POU6F2: variants seen among roughly 807,000 people sequenced by gnomAD.
POU6F2 encodes POU domain, class 6, transcription factor 2.
In POU6F2, 31 loss-of-function variants were observed where a neutral mutation model predicts 71.3. The ratio of observed to expected loss-of-function variants is 0.43; its 90% CI spans 0.33 to 0.59. The LOEUF is 0.59. Ranked by LOEUF, POU6F2 falls within the 20% of genes least tolerant of loss-of-function variation. The pLI, the probability that POU6F2 is intolerant of heterozygous loss-of-function variation, is 0.04. For missense variants in POU6F2, 783 were observed against 856.8 expected (o/e 0.91, Z 1.07); for synonymous variants, 347 against 355.7 (o/e 0.98, Z 0.27).
intron 5 of POU6F2, among the ~76,000 whole-genome samples, chr7:39,386,318 A>T (rs1461487041): frequency 3.9e-5 from 6 of 152,076 alleles, no homozygotes; most frequent in Admixed American, 3.9e-4. Context: ...CACTAAACTC[A>T]CAGAGTCTGC....
At position 39,410,296 on chromosome 7, in the gene POU6F2, G is replaced by A. The variant is rs772124679; in HGVS notation, c.1113+3556G>A. On this transcript the variant is annotated intron_variant, in intron 6 of 9. Coordinates refer to ENST00000518318, the MANE Select transcript of POU6F2 (RefSeq NM_001370959.1). ...TGCACTCCAGCCTGGGTGACAGAGTGAGACCCTGTCTCCAAAATAAATAAA... is the reference window on the plus strand; with the variant it reads ...TGCACTCCAGCCTGGGTGACAGAGTAAGACCCTGTCTCCAAAATAAATAAA... Among the ~76,000 whole-genome samples, 7 of 152,318 alleles carry A rather than the reference G, an allele frequency of 4.6e-5. No homozygotes were observed. In the East Asian group the frequency reaches 9.7e-4, roughly 21 times the overall value.
intron 5 of POU6F2, among the ~76,000 whole-genome samples, chr7:39,353,985 G>A (rs1042623562): frequency 6.6e-6 from 1 of 152,174 alleles, no homozygotes; most frequent in Admixed American, 6.5e-5. Context: ...GCCCAGGCCC[G>A]GGAAAGGAAG....
intron 1 of POU6F2, chr7:39,006,780 T>C: frequency 6.7e-7 from 1 of 1,483,438 alleles, no homozygotes; most frequent in Non-Finnish European, 9.4e-7. Context: ...TGGGTTGTGT[T>C]ACCCTGTTTG....
In POU6F2 at chr7:39,015,903, A is replaced by ATGTTG. The variant is rs1562670866; in HGVS notation, c.105+37846_105+37847insGTTGT. 3.5e-4 allele frequency among the ~76,000 whole-genome samples: 16 copies of ATGTTG among 45,564 alleles called. 1 individual carries two copies. The highest frequency in any genetic ancestry group is 1.4e-3 in the African/African-American group (16 of 11,634). 29.9% of individuals were successfully genotyped at this position (45,564 alleles called of 152,430 possible). ...TATATATTATATATTATATATAGAT[A>ATGTTG]TATATTATATATTATATATAGATAT... On this transcript the variant is annotated intron_variant, in intron 1 of 9. Transcript: ENST00000518318.
chr7:39,278,406 G>A (rs934829398), intron 4 of POU6F2, among the ~76,000 whole-genome samples: 4 of 152,112 alleles, frequency 2.6e-5, no homozygotes, highest in African/African-American at 4.8e-5. Flanking sequence ...CTCATTCTCC[G>A]CATCGATCAG....
chr7:39,117,843 A>G (rs1050536234), intron 2 of POU6F2, among the ~76,000 whole-genome samples: 1 of 152,146 alleles, frequency 6.6e-6, no homozygotes, highest in South Asian at 2.1e-4. Context: ...CATGAGCCTT[A>G]CTGTCTGGGG....
chr7:39,204,301 A>AC lies in POU6F2; in HGVS notation c.350dup (p.Phe118IlefsTer189). The AC allele has an allele frequency of 6.2e-7, 1 of 1,612,740 alleles. No individual in the cohort carries two copies. The highest frequency in any genetic ancestry group is 1.3e-5 in the African/African-American group (1 of 74,754). ...GACCAACACCAGGCCAGTCAGACCC[A>AC]CCCCCCATTTCCAGTTGGGCCACAG... On this transcript the variant is annotated frameshift_variant, in exon 3 of 10. Transcript: ENST00000518318. LOFTEE classifies it high-confidence loss of function.
intron 2 of POU6F2, among the ~76,000 whole-genome samples, chr7:39,202,661 GC>G (rs1230455548): frequency 2.0e-5 from 3 of 152,192 alleles, no homozygotes; most frequent in Non-Finnish European, 4.4e-5. Context: ...AGCTTCAAAT[GC>G]CGTGCTTTTA....
At chr7:39,001,690 T>C (rs1458323383) in intron 1 of POU6F2, among the ~76,000 whole-genome samples, 1 of 140,814 alleles carries the variant, frequency 7.1e-6, no homozygotes, top group African/African-American at 2.7e-5. Context: ...GTGATGGTGA[T>C]ATGATGTTGA....
At chr7:39,035,125 GT>G (rs895153457) in intron 1 of POU6F2, among the ~76,000 whole-genome samples, 5 of 151,028 alleles carry the variant, frequency 3.3e-5, no homozygotes, top group African/African-American at 1.2e-4. Context: ...ATTTTTTAAA[GT>G]TTTTTTTAAA....
At chr7:38,984,602 T>C (rs111342648) in intron 1 of POU6F2, among the ~76,000 whole-genome samples, 3 of 152,238 alleles carry the variant, frequency 2.0e-5, no homozygotes, top group African/African-American at 7.2e-5. Context: ...AAAAACAAAG[T>C]CTAAGAAAAG....
At chr7:39,334,370 T>G (rs1434968649) in intron 4 of POU6F2, among the ~76,000 whole-genome samples, 1 of 152,108 alleles carries the variant, frequency 6.6e-6, no homozygotes, top group South Asian at 2.1e-4. Context: ...TGGAGGCATA[T>G]GACAGATGAA....
At chr7:39,188,571 C>G (rs1203083363) in intron 2 of POU6F2, among the ~76,000 whole-genome samples, 1 of 152,178 alleles carries the variant, frequency 6.6e-6, no homozygotes, top group African/African-American at 2.4e-5. Context: ...CCTTGGCCCC[C>G]CAAAGTGCTG....
chr7:39,116,340 A>T (rs942331167), intron 2 of POU6F2, among the ~76,000 whole-genome samples: 2 of 152,208 alleles, frequency 1.3e-5, no homozygotes, highest in African/African-American at 4.8e-5. Flanking sequence ...AGCCGTGATC[A>T]TGCCACTGTA....
At chr7:39,058,676 A>G (rs571930898) in intron 1 of POU6F2, among the ~76,000 whole-genome samples, 1 of 151,968 alleles carries the variant, frequency 6.6e-6, no homozygotes, top group Non-Finnish European at 1.5e-5. Context: ...AGATGATTCT[A>G]ATATTTGCAA....
At chr7:39,140,116 C>A (rs963846781) in intron 2 of POU6F2, among the ~76,000 whole-genome samples, 2 of 152,148 alleles carry the variant, frequency 1.3e-5, no homozygotes, top group African/African-American at 4.8e-5. Context: ...TTGTAAGGAT[C>A]AAATGGGATG....
chr7:39,433,163 C>T lies in POU6F2; in HGVS notation c.1200C>T (p.Ile400=), dbSNP rs1788150825. The change falls in exon 7 of 10, where the codon ATC becomes ATT. Residue 400 remains isoleucine, a synonymous_variant. Transcript: ENST00000518318. ...CTCAGGGCTTGCAAGTGCAGCCAAT[C>T]ACCCCCCAGCTCCTCACAAACGCCC... ...SGTQGLQVQP[I]TPQLLTNAQG... is the part of the protein sequence containing the mutation. 1 of 1,613,886 alleles carries T rather than the reference C, an allele frequency of 6.2e-7. No homozygotes were observed.
At chr7:39,461,160 T>A (rs1284133119) in intron 9 of POU6F2, among the ~76,000 whole-genome samples, 4 of 152,152 alleles carry the variant, frequency 2.6e-5, no homozygotes, top group Non-Finnish European at 5.9e-5. Context: ...TAAAAAAAAA[T>A]TAACTATCTT....
intron 1 of POU6F2, among the ~76,000 whole-genome samples, chr7:39,028,598 C>T (rs1195413420): frequency 6.6e-6 from 1 of 151,712 alleles, no homozygotes; most frequent in African/African-American, 2.4e-5. Flanking sequence ...ATTAGATGTA[C>T]CTTTATATCT....
Sources: allele counts gnomAD v4.1 joint callset (sites outside exome capture counted in the v4.1 genomes callset), GRCh38; gene constraint gnomAD v4.1.1; transcripts MANE v1.5; gene names NCBI Gene and HGNC (gene_info 2026-07-23, HGNC 2026-07-21).